Variants in CACNA2D3 observed in about 807,000 individuals in gnomAD.
CACNA2D3 encodes the protein calcium voltage-gated channel auxiliary subunit alpha2delta 3.
In CACNA2D3, 60 loss-of-function variants were observed where a neutral mutation model predicts 160.6. The observed-to-expected ratio is 0.37, with a 90% CI of 0.30 to 0.46. CACNA2D3 has a LOEUF of 0.46. CACNA2D3 is among the 20% of genes least tolerant of loss of function. The pLI, the probability that CACNA2D3 is intolerant of heterozygous loss-of-function variation, is 1.00. For synonymous variants in CACNA2D3, 558 were observed against 492.9 expected (o/e 1.13, Z -1.75); for missense variants, 1,205 against 1,365.0 (o/e 0.88, Z 1.85).
intron 11 of CACNA2D3, among the ~76,000 whole-genome samples, chr3:54,721,500 C>A (rs1483932201): frequency 6.6e-6 from 1 of 152,110 alleles, no homozygotes; most frequent in Non-Finnish European, 1.5e-5. Context: ...GTGGCTCACA[C>A]CTGTAATCCC....
chr3:55,056,128 T>G (rs1048511710), intron 35 of CACNA2D3, among the ~76,000 whole-genome samples: 7 of 152,146 alleles, frequency 4.6e-5, no homozygotes, highest in African/African-American at 1.7e-4. Context: ...AAACCCCAGT[T>G]AAAAAGTGGA....
chr3:54,560,886 A>G (rs1702313499), intron 5 of CACNA2D3, among the ~76,000 whole-genome samples: 1 of 152,162 alleles, frequency 6.6e-6, no homozygotes, highest in South Asian at 2.1e-4. Flanking sequence ...AGATAGTTGT[A>G]GGCATGCAGT....
intron 2 of CACNA2D3, among the ~76,000 whole-genome samples, chr3:54,188,739 G>A (rs528977424): frequency 1.5e-3 from 224 of 152,202 alleles, no homozygotes; most frequent in Middle Eastern, 6.8e-3. Context: ...ATGAACACAG[G>A]GCCCCTTCTC....
intron 9 of CACNA2D3, among the ~76,000 whole-genome samples, chr3:54,611,616 A>G (rs1259237956): frequency 6.6e-6 from 1 of 152,224 alleles, no homozygotes; most frequent in Non-Finnish European, 1.5e-5. Flanking sequence ...AAAATGAGAA[A>G]CATGGAATGA....
intron 9 of CACNA2D3, among the ~76,000 whole-genome samples, chr3:54,592,456 C>A (rs1345263409): frequency 6.6e-6 from 1 of 152,124 alleles, no homozygotes; most frequent in Non-Finnish European, 1.5e-5. Context: ...TAACTGACTT[C>A]TTTTTTCCTT....
intron 35 of CACNA2D3, among the ~76,000 whole-genome samples, chr3:55,071,030 A>G (rs1182505983): frequency 6.6e-6 from 1 of 152,122 alleles, no homozygotes; most frequent in African/African-American, 2.4e-5. Context: ...CAGTTAGTAT[A>G]CTGTGATCAT....
At chr3:54,692,887 C>G (rs1050903335) in intron 11 of CACNA2D3, among the ~76,000 whole-genome samples, 1 of 152,158 alleles carries the variant, frequency 6.6e-6, no homozygotes, top group Non-Finnish European at 1.5e-5. Flanking sequence ...TGAGAATTTA[C>G]CCAGCAAGTG....
At chr3:54,766,378 A>C (rs1702224104) in intron 13 of CACNA2D3, among the ~76,000 whole-genome samples, 1 of 152,216 alleles carries the variant, frequency 6.6e-6, no homozygotes, top group Non-Finnish European at 1.5e-5. Flanking sequence ...AAGATGTACA[A>C]CTTCATAATA....
chr3:54,482,625 A>G (rs987955772), intron 4 of CACNA2D3, among the ~76,000 whole-genome samples: 1 of 152,204 alleles, frequency 6.6e-6, no homozygotes, highest in East Asian at 1.9e-4. Context: ...GCCCACCTGC[A>G]TTAGTCCATG....
At chr3:54,860,836 C>T (rs113106345) in intron 17 of CACNA2D3, among the ~76,000 whole-genome samples, 2,367 of 152,158 alleles carry the variant, frequency 0.016, 49 homozygotes, top group Non-Finnish European at 0.024. Context: ...CAGTTTCCTC[C>T]GCTGAAAAAT....
intron 2 of CACNA2D3, among the ~76,000 whole-genome samples, chr3:54,236,621 T>C (rs1169623995): frequency 2.6e-5 from 4 of 152,162 alleles, no homozygotes; most frequent in Admixed American, 1.3e-4. Flanking sequence ...AAAAACTCTG[T>C]GCATAGAAGT....
chr3:54,903,295 G>T (rs1700381338), intron 27 of CACNA2D3, among the ~76,000 whole-genome samples: 1 of 152,188 alleles, frequency 6.6e-6, no homozygotes, highest in Non-Finnish European at 1.5e-5. Flanking sequence ...GTATAAGTGA[G>T]AACATGCGGT....
intron 36 of CACNA2D3, 41 bp downstream of exon 36, chr3:55,073,598 C>T: frequency 9.4e-6 from 14 of 1,496,296 alleles, no homozygotes; most frequent in Non-Finnish European, 1.3e-5. Flanking sequence ...CCACGGAAAC[C>T]AGTAAGGGGT....
intron 3 of CACNA2D3, among the ~76,000 whole-genome samples, chr3:54,329,795 A>G (rs1704204708): frequency 6.6e-6 from 1 of 152,238 alleles, no homozygotes; most frequent in South Asian, 2.1e-4. Flanking sequence ...CTATAATTTT[A>G]TAAATTACCA....
intron 35 of CACNA2D3, among the ~76,000 whole-genome samples, chr3:55,051,040 T>C (rs1373734487): frequency 2.7e-5 from 4 of 150,164 alleles, no homozygotes; most frequent in East Asian, 3.9e-4. Context: ...TTCTTTGCCT[T>C]TGGTTTGAAT....
intron 13 of CACNA2D3, chr3:54,789,837 G>C (rs189396496): frequency 1.9e-6 from 1 of 516,836 alleles, no homozygotes. Context: ...CTTAAAATGA[G>C]CTGGGGCTTG....
At position 54,350,180 on chromosome 3, in the gene CACNA2D3, C is replaced by T. The variant is rs114640292; in HGVS notation, c.321+29622C>T. Among the ~76,000 whole-genome samples the T allele has an allele frequency of 1.3e-3, 205 of 152,200 alleles. 1 individual carries two copies. The highest frequency in any genetic ancestry group is 4.5e-3 in the African/African-American group (187 of 41,540). On this transcript the variant is annotated intron_variant, in intron 3 of 37. Coordinates refer to ENST00000474759, the MANE Select transcript of CACNA2D3 (RefSeq NM_018398.3). Reference sequence around the variant, plus strand: ...AGGGCATTTGAATGGAGAGTGTCTCCTCCTCTTTTTTTTATTTATTTATTA... The same window carrying T: ...AGGGCATTTGAATGGAGAGTGTCTCTTCCTCTTTTTTTTATTTATTTATTA...
intron 5 of CACNA2D3, among the ~76,000 whole-genome samples, chr3:54,552,679 G>A (rs1702178098): frequency 6.6e-6 from 1 of 152,100 alleles, no homozygotes. Flanking sequence ...TGCCCCCTAA[G>A]TGGCCATCTC....
intron 4 of CACNA2D3, among the ~76,000 whole-genome samples, chr3:54,455,633 C>T (rs1022854698): frequency 1.3e-5 from 2 of 151,870 alleles, no homozygotes; most frequent in African/African-American, 4.8e-5. Flanking sequence ...AAGGTCTTTG[C>T]CATAAAATCT....
Sources: gnomAD v4.1 joint callset for allele counts (sites outside exome capture counted in the v4.1 genomes callset) on GRCh38, gnomAD v4.1.1 for gene constraint, MANE v1.5 for transcripts, NCBI Gene and HGNC (gene_info 2026-07-23, HGNC 2026-07-21) for gene names.